KCNIP3: variants seen among roughly 807,000 people sequenced by gnomAD.
The protein encoded by KCNIP3 is potassium voltage-gated channel interacting protein 3, also known as calsenilin.
In KCNIP3, 28 loss-of-function variants were observed where a neutral mutation model predicts 35.0. The ratio of observed to expected loss-of-function variants is 0.80; its 90% CI spans 0.59 to 1.10. The LOEUF (loss-of-function observed/expected upper bound fraction) is 1.10, where lower values mean the gene tolerates loss of function less well. Among genes scored for constraint, KCNIP3 ranks in the 50% least tolerant of loss-of-function variants. The probability of loss-of-function intolerance (pLI) is 0.00; values close to 1 mark genes in which losing one functional copy is unlikely to be tolerated. For synonymous variants in KCNIP3, 134 were observed against 133.8 expected, an observed-to-expected ratio of 1.00 and a Z score of -0.01; for missense variants, 295 against 338.4, an observed-to-expected ratio of 0.87 and a Z score of 1.01.
At chr2:95,351,208 G>A (rs534821007) in intron 2 of KCNIP3, among the ~76,000 whole-genome samples, 27 of 152,384 alleles carry the variant, frequency 1.8e-4, no homozygotes, top group Admixed American at 1.2e-3. Flanking sequence ...CCTCCGCAAG[G>A]ACATTGGCTT....
rs758453603 is a variant in KCNIP3, at chr2:95,306,247, G to A, written c.16-4108G>A. On this transcript the variant is annotated intron_variant, in intron 1 of 8. Coordinates refer to ENST00000295225, the MANE Select transcript of KCNIP3 (RefSeq NM_013434.5). ...CTGCGTTGCCAGAATGGCTAATGACGGCGAACATCTCTTCCCGCCGCCTTT... is the reference window on the plus strand; with the variant it reads ...CTGCGTTGCCAGAATGGCTAATGACAGCGAACATCTCTTCCCGCCGCCTTT... Among the ~76,000 whole-genome samples, 8 of 152,206 alleles carry A rather than the reference G, an allele frequency of 5.3e-5. No individual in the cohort carries two copies. In the East Asian group the frequency reaches 5.8e-4, roughly 11 times the overall value.
At chr2:95,326,953 C>T (rs1171521148) in intron 2 of KCNIP3, among the ~76,000 whole-genome samples, 3 of 152,194 alleles carry the variant, frequency 2.0e-5, no homozygotes, top group Non-Finnish European at 4.4e-5. Flanking sequence ...CTCAGCAGGC[C>T]TCGGTTTACG....
At chr2:95,323,543 C>T (rs757187848) in intron 2 of KCNIP3, among the ~76,000 whole-genome samples, 1 of 151,928 alleles carries the variant, frequency 6.6e-6, no homozygotes, top group African/African-American at 2.4e-5. Context: ...TGCAGGCATT[C>T]CCTCCTCTTC....
intron 2 of KCNIP3, among the ~76,000 whole-genome samples, chr2:95,345,806 T>C (rs1235352027): frequency 6.6e-6 from 1 of 152,200 alleles, no homozygotes; most frequent in African/African-American, 2.4e-5. Flanking sequence ...CCCTATTTTC[T>C]CCTTCCTTTT....
Position 95,382,751 on chromosome 2 carries a change from T to A in KCNIP3, c.660+270T>A, listed in dbSNP as rs1680380882. Among the ~76,000 whole-genome samples, 1 of 152,170 alleles carries A rather than the reference T, an allele frequency of 6.6e-6. No homozygotes were observed. The highest frequency in any genetic ancestry group is 2.4e-5 in the African/African-American group (1 of 41,450). On this transcript the variant is annotated intron_variant, in intron 7 of 8. Transcript: ENST00000295225. This position sits in a 1 kb window ranked among gnomAD's most constrained non-coding sequence, Gnocchi z 4.5. ...CCGGAGCTCCATGCCTCCTGAGAGC[T>A]GTGTGGCTCCTCCAGGAAGACGCTC...
chr2:95,362,049 A>G (rs561307966), intron 2 of KCNIP3, among the ~76,000 whole-genome samples: 12 of 151,306 alleles, frequency 7.9e-5, no homozygotes, highest in Admixed American at 2.6e-4. Flanking sequence ...CTCTGTCTTC[A>G]TGTGGCCTTT....
In KCNIP3 at chr2:95,328,829, C is replaced by T. The variant is rs1282962780; in HGVS notation, c.181+18309C>T. 2.0e-5 allele frequency among the ~76,000 whole-genome samples: 3 copies of T among 152,160 alleles called. 1 individual carries two copies. Among genetic ancestry groups the T allele is most frequent in the Non-Finnish European group, 4.4e-5 (3 of 68,022 alleles). On this transcript the variant is annotated intron_variant, in intron 2 of 8. Transcript: ENST00000295225. ...ACACCTTGGAGGAAGAAACACAGGT[C>T]AGATGTCTTTCAGTTCTAGCTGCCT...
intron 2 of KCNIP3, among the ~76,000 whole-genome samples, chr2:95,323,201 A>G (rs1448852762): frequency 6.6e-6 from 1 of 152,234 alleles, no homozygotes; most frequent in Non-Finnish European, 1.5e-5. Context: ...GCCCAGGCAC[A>G]GGGCCGTTTG....
intron 2 of KCNIP3, among the ~76,000 whole-genome samples, chr2:95,337,010 A>C (rs1258042611): frequency 6.6e-6 from 1 of 152,138 alleles, no homozygotes; most frequent in East Asian, 1.9e-4. Flanking sequence ...GCAATTAGCC[A>C]AGGCCCCAAA....
Position 95,297,431 on chromosome 2 carries a change from C to T in KCNIP3, c.-8C>T, listed in dbSNP as rs372889311. The T allele has an allele frequency of 6.8e-5, 107 of 1,567,968 alleles. No homozygotes were observed. Among genetic ancestry groups the T allele is most frequent in the African/African-American group, 6.7e-4 (48 of 71,362 alleles). ...GGAGGCTGGCAACAGTTTTCTTCAG[C>T]GCCCAGGATGCAGCCGGCTAAGGTA... On this transcript the variant is annotated 5_prime_UTR_variant, in exon 1 of 9. Transcript: ENST00000295225.
intron 2 of KCNIP3, among the ~76,000 whole-genome samples, chr2:95,353,290 C>G (rs1204851634): frequency 1.3e-5 from 2 of 152,180 alleles, no homozygotes; most frequent in Non-Finnish European, 2.9e-5. Flanking sequence ...ACAACTGATC[C>G]CAGAGGAAGA....
chr2:95,316,623 C>T (rs570033158), intron 2 of KCNIP3, among the ~76,000 whole-genome samples: 2 of 152,238 alleles, frequency 1.3e-5, no homozygotes, highest in South Asian at 2.1e-4. Flanking sequence ...CAGGTGGAAG[C>T]GGAGAGTGGT....
At chr2:95,329,932 C>T (rs1396046537) in intron 2 of KCNIP3, among the ~76,000 whole-genome samples, 3 of 152,228 alleles carry the variant, frequency 2.0e-5, no homozygotes, top group Non-Finnish European at 4.4e-5. Flanking sequence ...AGGGCCTTCG[C>T]CCCCGCTCTG....
At chr2:95,383,860 TG>T (rs1375106234) in intron 8 of KCNIP3, 141 bp from the exon 9 acceptor site, 2 of 748,902 alleles carry the variant, frequency 2.7e-6, no homozygotes, top group Non-Finnish European at 4.8e-6. Flanking sequence ...TTCACCTCCC[TG>T]TCCCCCAGCT....
intron 4 of KCNIP3, 25 bp from the exon 5 acceptor site, chr2:95,375,113 C>A: frequency 6.2e-7 from 1 of 1,611,770 alleles, no homozygotes; most frequent in Non-Finnish European, 8.5e-7. Context: ...CCGACACACC[C>A]CAGCCTCTTC....
intron 2 of KCNIP3, among the ~76,000 whole-genome samples, chr2:95,333,547 G>A (rs915981306): frequency 6.6e-6 from 1 of 152,178 alleles, no homozygotes; most frequent in African/African-American, 2.4e-5. Flanking sequence ...AGACTCCTCA[G>A]AGCACGTGCT....
At chr2:95,316,001 T>G (rs1339097006) in intron 2 of KCNIP3, among the ~76,000 whole-genome samples, 1 of 152,226 alleles carries the variant, frequency 6.6e-6, no homozygotes, top group Non-Finnish European at 1.5e-5. Flanking sequence ...GGCCACCTAC[T>G]CTGTCTCTCT....
At chr2:95,299,824 C>T (rs1677975704) in intron 1 of KCNIP3, among the ~76,000 whole-genome samples, 1 of 152,232 alleles carries the variant, frequency 6.6e-6, no homozygotes. Context: ...TCTGCCTCAG[C>T]CCTCCAGGTA....
At chr2:95,356,995 C>T (rs1679670143) in intron 2 of KCNIP3, among the ~76,000 whole-genome samples, 1 of 152,184 alleles carries the variant, frequency 6.6e-6, no homozygotes, top group Non-Finnish European at 1.5e-5. Context: ...GGCCCAGGGA[C>T]TGCTGGGCCA....
Sources: allele counts gnomAD v4.1 joint callset (sites outside exome capture counted in the v4.1 genomes callset), GRCh38; gene constraint gnomAD v4.1.1; non-coding constraint Gnocchi (gnomAD v3.1); transcripts MANE v1.5; gene names NCBI Gene and HGNC (gene_info 2026-07-23, HGNC 2026-07-21).